The following WASF3 variants were observed in gnomAD, a reference collection of about 807,000 sequenced individuals.
WASF3 encodes the protein WASP family member 3, also known as actin-binding protein WASF3.
WASF3 carries 11 observed loss-of-function variants against 46.6 expected under a neutral mutation model. The observed-to-expected ratio is 0.24, with a 90% CI of 0.15 to 0.39. The LOEUF (loss-of-function observed/expected upper bound fraction) is 0.39, where lower values mean the gene tolerates loss of function less well. Among genes scored for constraint, WASF3 ranks in the 10% least tolerant of loss-of-function variants. The pLI, the probability that WASF3 is intolerant of heterozygous loss-of-function variation, is 1.00. For missense variants in WASF3, 576 were observed against 669.8 expected (o/e 0.86, Z 1.55); for synonymous variants, 242 against 259.7 (o/e 0.93, Z 0.65).
chr13:26,639,071 C>G (rs749492444), intron 2 of WASF3, among the ~76,000 whole-genome samples: 5 of 152,210 alleles, frequency 3.3e-5, no homozygotes, highest in Non-Finnish European at 7.3e-5. Flanking sequence ...AAATAAACCT[C>G]TTCTCTTTAT....
At chr13:26,573,848 A>G (rs956416705) in intron 1 of WASF3, among the ~76,000 whole-genome samples, 1 of 152,220 alleles carries the variant, frequency 6.6e-6, no homozygotes, top group Admixed American at 6.5e-5. Context: ...CTCCAAAGGT[A>G]ACCACTAAGT....
At chr13:26,680,389 T>C (rs1883190989) in intron 7 of WASF3, among the ~76,000 whole-genome samples, 1 of 152,178 alleles carries the variant, frequency 6.6e-6, no homozygotes, top group Non-Finnish European at 1.5e-5. Context: ...CCTGAGGGCT[T>C]AGCAGGAATC....
intron 3 of WASF3, among the ~76,000 whole-genome samples, chr13:26,647,354 A>T (rs1406867934): frequency 6.6e-6 from 1 of 152,110 alleles, no homozygotes; most frequent in Non-Finnish European, 1.5e-5. Flanking sequence ...CTTGGCAAAC[A>T]GTTTTAGGTG....
At chr13:26,659,096 A>G (rs1312978508) in intron 3 of WASF3, among the ~76,000 whole-genome samples, 1 of 152,238 alleles carries the variant, frequency 6.6e-6, no homozygotes, top group African/African-American at 2.4e-5. Context: ...AGTCAGGAAA[A>G]TACAGCAGAG....
chr13:26,653,171 C>T (rs548712454), intron 3 of WASF3, among the ~76,000 whole-genome samples: 1 of 152,164 alleles, frequency 6.6e-6, no homozygotes, highest in Non-Finnish European at 1.5e-5. Flanking sequence ...TGCTCCTATC[C>T]ATGCTGTCTC....
chr13:26,647,390 AT>A lies in WASF3; in HGVS notation c.133+4991del, dbSNP rs545132715. Among the ~76,000 whole-genome samples, 36 of 152,188 alleles carry A rather than the reference AT, an allele frequency of 2.4e-4. No homozygotes were observed. In the East Asian group the frequency reaches 4.8e-3, roughly 20 times the overall value. ...TGTTACTTGGTTTTCCAGCTAGGGA[AT>A]TTTGATTTTTTTTTCTTCAAATAAT... is the stretch of plus-strand genomic sequence containing the variant. On this transcript the variant is annotated intron_variant, in intron 3 of 9. Transcript: ENST00000335327.
intron 1 of WASF3, among the ~76,000 whole-genome samples, chr13:26,559,629 C>G (rs972519739): frequency 1.3e-5 from 2 of 152,000 alleles, no homozygotes; most frequent in Non-Finnish European, 2.9e-5. Flanking sequence ...AAAACAATTG[C>G]GTTATAATGC....
intron 7 of WASF3, chr13:26,680,206 G>A (rs1057220936): frequency 1.5e-5 from 24 of 1,552,060 alleles, no homozygotes; most frequent in Non-Finnish European, 2.1e-5. Context: ...CAGCGGGTTT[G>A]TTGTTTTGCT....
intron 1 of WASF3, among the ~76,000 whole-genome samples, chr13:26,575,905 T>G (rs1466696428): frequency 6.6e-6 from 1 of 152,182 alleles, no homozygotes; most frequent in African/African-American, 2.4e-5. Context: ...TTTACTAGGT[T>G]ACATTTTTGG....
chr13:26,620,291 A>G (rs1418853968), intron 2 of WASF3, among the ~76,000 whole-genome samples: 2 of 152,206 alleles, frequency 1.3e-5, no homozygotes, highest in Non-Finnish European at 1.5e-5. Flanking sequence ...ATAAAGGACT[A>G]TAAAACAGAT....
chr13:26,592,236 G>A (rs1880324855), intron 1 of WASF3, among the ~76,000 whole-genome samples: 1 of 152,086 alleles, frequency 6.6e-6, no homozygotes, highest in Non-Finnish European at 1.5e-5. Context: ...GTGATTAATA[G>A]TAGTTTGAGT....
intron 3 of WASF3, among the ~76,000 whole-genome samples, chr13:26,643,169 C>T (rs1281190891): frequency 6.6e-6 from 1 of 152,132 alleles, no homozygotes; most frequent in Non-Finnish European, 1.5e-5. Flanking sequence ...CAAACTTTTA[C>T]ATTTATTTTC....
intron 1 of WASF3, among the ~76,000 whole-genome samples, chr13:26,582,324 T>C (rs967900320): frequency 9.9e-5 from 15 of 152,048 alleles, no homozygotes; most frequent in Admixed American, 9.2e-4. Context: ...TGTTGTTTAT[T>C]AGCTGTGTGA....
chr13:26,675,522 A>G (rs916818435), intron 6 of WASF3, among the ~76,000 whole-genome samples: 5 of 141,322 alleles, frequency 3.5e-5, no homozygotes, highest in East Asian at 4.1e-4. Context: ...ACACACACAC[A>G]CGTATATATT....
intron 3 of WASF3, among the ~76,000 whole-genome samples, chr13:26,655,186 A>G (rs2137441088): frequency 6.6e-6 from 1 of 152,340 alleles, no homozygotes; most frequent in South Asian, 2.1e-4. Flanking sequence ...AATCTGAAAT[A>G]GTTCCTCAGT....
intron 1 of WASF3, among the ~76,000 whole-genome samples, chr13:26,565,700 G>T (rs962367562): frequency 2.0e-5 from 3 of 152,188 alleles, no homozygotes; most frequent in Non-Finnish European, 4.4e-5. Context: ...GGCTTCTCTA[G>T]AATGTGAATT....
At chr13:26,559,652 A>G (rs2137133888) in intron 1 of WASF3, among the ~76,000 whole-genome samples, 1 of 152,196 alleles carries the variant, frequency 6.6e-6, no homozygotes, top group South Asian at 2.1e-4. Context: ...GTATTAAATG[A>G]ATTGTCCCTA....
chr13:26,540,066 A>C, the WASF3 span, among the ~76,000 whole-genome samples: 1 of 152,094 alleles, frequency 6.6e-6, no homozygotes. Flanking sequence ...GAATGTCCTA[A>C]GACTCAAGCA....
intron 5 of WASF3, among the ~76,000 whole-genome samples, chr13:26,668,910 A>G (rs1882848170): frequency 6.6e-6 from 1 of 152,204 alleles, no homozygotes; most frequent in South Asian, 2.1e-4. Flanking sequence ...TTCAATAGGC[A>G]TTTTCCTGGG....
Sources: gnomAD v4.1 joint callset for allele counts (sites outside exome capture counted in the v4.1 genomes callset) on GRCh38, gnomAD v4.1.1 for gene constraint, MANE v1.5 for transcripts, NCBI Gene and HGNC (gene_info 2026-07-23, HGNC 2026-07-21) for gene names.